Variants in SLC4A8 observed in about 807,000 individuals in gnomAD.
SLC4A8 encodes the protein electroneutral sodium bicarbonate exchanger 1.
In SLC4A8, 40 loss-of-function variants were observed where a neutral mutation model predicts 125.0. The observed-to-expected ratio is 0.32, with a 90% CI of 0.25 to 0.42. The LOEUF is 0.42. Among genes scored for constraint, SLC4A8 ranks in the 10% least tolerant of loss-of-function variants. SLC4A8 has a pLI of 1.00. For missense variants in SLC4A8, 863 were observed against 1,355.1 expected (o/e 0.64, Z 5.70); for synonymous variants, 456 against 476.0 (o/e 0.96, Z 0.55).
intron 7 of SLC4A8, among the ~76,000 whole-genome samples, chr12:51,459,148 CCT>C (rs1207922467): frequency 6.6e-6 from 1 of 152,188 alleles, no homozygotes; most frequent in African/African-American, 2.4e-5. Context: ...CTGCCTCCAG[CCT>C]CTCCTTGCTC....
rs1327664208 is a variant in SLC4A8, at chr12:51,406,988, A to G, written c.-112+15500A>G. Among the ~76,000 whole-genome samples, 4 of 152,246 alleles carry G rather than the reference A, an allele frequency of 2.6e-5. 1 individual carries two copies. Among genetic ancestry groups the G allele is most frequent in the Non-Finnish European group, 5.9e-5 (4 of 68,046 alleles). ...GTCTTACTCCATTTGGGCTGCTATA[A>G]CAAAATACCTGAGACGGGATAATTG... On this transcript the variant is annotated intron_variant, in intron 1 of 24. Coordinates refer to the SLC4A8 transcript ENST00000358657.
intron 22 of SLC4A8, among the ~76,000 whole-genome samples, chr12:51,503,197 T>C (rs1359112460): frequency 1.3e-5 from 2 of 151,118 alleles, no homozygotes; most frequent in Non-Finnish European, 1.5e-5. Flanking sequence ...TCTTTTACCT[T>C]ATGGATTATT....
intron 22 of SLC4A8, among the ~76,000 whole-genome samples, chr12:51,502,773 C>T (rs11169860): frequency 0.016 from 2,367 of 151,524 alleles, 23 homozygotes; most frequent in Non-Finnish European, 0.022. Flanking sequence ...CAGGTTCAAG[C>T]GATTCTCCTG....
At chr12:51,391,713 G>GC (rs1298457247) in intron 1 of SLC4A8, 1 of 152,150 alleles carries the variant, frequency 6.6e-6, no homozygotes, top group Non-Finnish European at 1.5e-5. Context: ...GCACTAACGC[G>GC]CCCGCCCCGC....
intron 3 of SLC4A8, among the ~76,000 whole-genome samples, chr12:51,451,424 T>TA (rs1949968755): frequency 6.6e-6 from 1 of 152,180 alleles, no homozygotes; most frequent in East Asian, 1.9e-4. Flanking sequence ...TTTTAAATTT[T>TA]AAAATATACA....
intron 19 of SLC4A8, among the ~76,000 whole-genome samples, chr12:51,493,029 A>G (rs1951359351): frequency 6.6e-6 from 1 of 152,180 alleles, no homozygotes; most frequent in African/African-American, 2.4e-5. Context: ...CAAAAAAACT[A>G]AATTATAGTC....
At chr12:51,453,998 G>T (rs1235924993) in intron 5 of SLC4A8, among the ~76,000 whole-genome samples, 1 of 152,120 alleles carries the variant, frequency 6.6e-6, no homozygotes, top group East Asian at 1.9e-4. Context: ...CTAGGCATGG[G>T]GTTATGAATA....
intron 21 of SLC4A8, among the ~76,000 whole-genome samples, chr12:51,495,470 CTTTTTTTTTTT>C (rs3028942): frequency 2.6e-5 from 2 of 76,276 alleles, no homozygotes; most frequent in Non-Finnish European, 4.8e-5. Flanking sequence ...TTTCTTTCTT[CTTTTTTTTTTT>C]TTTTTTTTTT....
At chr12:51,463,850 C>G (rs1289146919) in intron 11 of SLC4A8, 136 bp downstream of exon 11, 1 of 603,100 alleles carries the variant, frequency 1.7e-6, no homozygotes, top group South Asian at 2.2e-5. Flanking sequence ...TCAAATGGAA[C>G]CACTGACTAG....
At chr12:51,392,721 G>C (rs1370282343) in intron 1 of SLC4A8, 1 of 152,108 alleles carries the variant, frequency 6.6e-6, no homozygotes, top group Non-Finnish European at 1.5e-5. Context: ...TGAGAACCCT[G>C]AACAATTAGT....
rs1391376555 is a variant in SLC4A8, at chr12:51,512,194, G to A, written c.*4756G>A. ...TTGTGCACTTTGTTAATTTGGTATG[G>A]TGGTGCCACACATTATCACTGTACA... On this transcript the variant is annotated 3_prime_UTR_variant, in exon 25 of 25. Coordinates refer to ENST00000453097, the MANE Select transcript of SLC4A8 (RefSeq NM_001039960.3). The A allele has an allele frequency of 1.3e-5, 2 of 152,196 alleles. No homozygotes were observed. The highest frequency in any genetic ancestry group is 2.9e-5 in the Non-Finnish European group (2 of 68,050). 9.4% of individuals were successfully genotyped at this position (152,196 alleles called of 1,614,324 possible).
chr12:51,408,631 G>A lies in SLC4A8; in HGVS notation c.-112+17143G>A, dbSNP rs1206533444. On this transcript the variant is annotated intron_variant, in intron 1 of 24. Coordinates refer to the SLC4A8 transcript ENST00000358657. ...GGAGGTGCTGCTCAGGGGCGACAGC[G>A]CAGGAGCATGGTGTTCACCTCTTTC... is the stretch of plus-strand genomic sequence containing the variant. Among the ~76,000 whole-genome samples the A allele has an allele frequency of 3.9e-5, 6 of 152,308 alleles. 1 individual carries two copies. Among genetic ancestry groups the A allele is most frequent in the East Asian group, 3.9e-4 (2 of 5,186 alleles).
chr12:51,420,369 T>C (rs1268192617), upstream of SLC4A8, among the ~76,000 whole-genome samples: 3 of 152,226 alleles, frequency 2.0e-5, no homozygotes, highest in Non-Finnish European at 4.4e-5. Context: ...GGAGTTAAGA[T>C]GCTTTTGATG....
At chr12:51,506,937 C>T (rs933991323) in intron 24 of SLC4A8, among the ~76,000 whole-genome samples, 6 of 151,980 alleles carry the variant, frequency 3.9e-5, no homozygotes, top group African/African-American at 1.5e-4. Context: ...AAATCTGAGG[C>T]CTTCCTAAAG....
intron 1 of SLC4A8, among the ~76,000 whole-genome samples, chr12:51,400,956 G>C (rs1592138162): frequency 1.3e-5 from 2 of 151,012 alleles, no homozygotes; most frequent in East Asian, 3.9e-4. Flanking sequence ...GGTGAAACGG[G>C]AAAGGTTCCC....
intron 1 of SLC4A8, chr12:51,403,223 A>G (rs993714538): frequency 4.4e-6 from 2 of 456,884 alleles, no homozygotes; most frequent in Admixed American, 4.7e-5. Context: ...GGGGAGACCC[A>G]GGATACCTAA....
At chr12:51,462,166 CT>C in intron 9 of SLC4A8, 143 bp from the exon 10 acceptor site, 1 of 723,404 alleles carries the variant, frequency 1.4e-6, no homozygotes, top group Non-Finnish European at 2.3e-6. Flanking sequence ...TTGCACTTCT[CT>C]AAGTGCTAAA....
chr12:51,455,364 A>G (rs1402690152), intron 5 of SLC4A8, among the ~76,000 whole-genome samples: 1 of 152,156 alleles, frequency 6.6e-6, no homozygotes, highest in African/African-American at 2.4e-5. Context: ...TAACAATTAA[A>G]AAAAGTGCAA....
At chr12:51,464,396 A>G (rs1159569809) in intron 11 of SLC4A8, among the ~76,000 whole-genome samples, 1 of 152,182 alleles carries the variant, frequency 6.6e-6, no homozygotes, top group Non-Finnish European at 1.5e-5. Context: ...GATAGGTACT[A>G]TTTTAGGTGT....
Sources: gnomAD v4.1 joint callset for allele counts (sites outside exome capture counted in the v4.1 genomes callset) on GRCh38, gnomAD v4.1.1 for gene constraint, MANE v1.5 for transcripts, NCBI Gene and HGNC (gene_info 2026-07-23, HGNC 2026-07-21) for gene names.